The following NVL variants were observed in gnomAD, a reference collection of about 807,000 sequenced individuals.
The protein encoded by NVL is nuclear valosin-containing protein-like.
NVL carries 84 observed loss-of-function variants against 110.2 expected under a neutral mutation model. The observed-to-expected ratio is 0.76, with a 90% CI of 0.64 to 0.91. The LOEUF is 0.91. Ranked by LOEUF, NVL falls within the 40% of genes least tolerant of loss-of-function variation. NVL has a pLI of 0.00. For synonymous variants in NVL, 354 were observed against 361.1 expected (o/e 0.98, Z 0.22); for missense variants, 882 against 1,035.9 (o/e 0.85, Z 2.04).
At chr1:224,268,481 C>G (rs943247617) in intron 17 of NVL, among the ~76,000 whole-genome samples, 3 of 152,120 alleles carry the variant, frequency 2.0e-5, no homozygotes, top group African/African-American at 7.2e-5. Flanking sequence ...ATACACTTCC[C>G]TTGGGGCAAA....
intron 11 of NVL, among the ~76,000 whole-genome samples, chr1:224,295,390 CAG>C (rs1247851711): frequency 6.6e-6 from 1 of 151,864 alleles, no homozygotes; most frequent in Non-Finnish European, 1.5e-5. Context: ...TTAGTAGAGA[CAG>C]AGTTTCACCG....
At chr1:224,258,125 G>A (rs1173480450) in intron 18 of NVL, among the ~76,000 whole-genome samples, 1 of 152,160 alleles carries the variant, frequency 6.6e-6, no homozygotes, top group Non-Finnish European at 1.5e-5. Flanking sequence ...ACAACCCACA[G>A]ATTGGTGAAA....
chr1:224,267,059 C>G (rs1367469190), intron 18 of NVL, among the ~76,000 whole-genome samples: 1 of 152,120 alleles, frequency 6.6e-6, no homozygotes, highest in Non-Finnish European at 1.5e-5. Flanking sequence ...CCAGGAATAT[C>G]TTTGTTGAGC....
chr1:224,242,698 C>A (rs889594225), intron 19 of NVL, among the ~76,000 whole-genome samples: 1 of 151,984 alleles, frequency 6.6e-6, no homozygotes, highest in Non-Finnish European at 1.5e-5. Flanking sequence ...AAACTCCTGA[C>A]CTCAGGTGAT....
At chr1:224,316,742 A>C (rs1219697836) in intron 4 of NVL, among the ~76,000 whole-genome samples, 1 of 152,102 alleles carries the variant, frequency 6.6e-6, no homozygotes, top group Non-Finnish European at 1.5e-5. Flanking sequence ...AAGCGGAACA[A>C]GAAGACTTTT....
intron 15 of NVL, among the ~76,000 whole-genome samples, chr1:224,285,718 T>C (rs567266059): frequency 2.0e-4 from 30 of 152,118 alleles, no homozygotes; most frequent in African/African-American, 7.2e-4. Context: ...AGCAGGAAAC[T>C]AAGTCAAGTA....
At chr1:224,297,232 C>T (rs1667965257) in intron 10 of NVL, among the ~76,000 whole-genome samples, 1 of 152,168 alleles carries the variant, frequency 6.6e-6, no homozygotes, top group African/African-American at 2.4e-5. Flanking sequence ...TATCCATCTC[C>T]AGAACTTTCC....
intron 19 of NVL, among the ~76,000 whole-genome samples, chr1:224,238,180 C>CCCA (rs200139268): frequency 0.31 from 3,840 of 12,270 alleles, 62 homozygotes; most frequent in Non-Finnish European, 0.49. Flanking sequence ...ACTATAGGCA[C>CCCA]CCACCACACA....
chr1:224,269,084 C>CTTTT (rs34790130), intron 17 of NVL, among the ~76,000 whole-genome samples: 3 of 97,934 alleles, frequency 3.1e-5, no homozygotes, highest in African/African-American at 7.4e-5. Context: ...GTGAGACTAA[C>CTTTT]TTTTTTTTTT....
chr1:224,317,987 A>G, intron 2 of NVL, 57 bp from the exon 3 acceptor site: 1 of 1,189,702 alleles, frequency 8.4e-7, no homozygotes, highest in East Asian at 2.3e-5. Context: ...TTTTTCCATT[A>G]AGTTCAATCT....
chr1:224,310,126 C>G (rs1023881632), intron 5 of NVL, among the ~76,000 whole-genome samples: 1 of 131,544 alleles, frequency 7.6e-6, no homozygotes, highest in African/African-American at 2.7e-5. Context: ...ACTCCAGCCT[C>G]GGTGATCACA....
At position 224,296,456 on chromosome 1, in the gene NVL, T is replaced by A. The variant is rs548427653; in HGVS notation, c.1180+45A>T. The A allele has an allele frequency of 2.1e-4, 217 of 1,032,526 alleles. No homozygotes were observed. The African/African-American group carries it at 2.7e-3, about 13-fold the overall frequency. 64.0% of individuals were successfully genotyped at this position (1,032,526 alleles called of 1,614,324 possible). ...TCTTCATGTATTAATTACACTATTTTAAAAAATTTATTCTCTTAAAATGAA... is the reference window on the plus strand; with the variant it reads ...TCTTCATGTATTAATTACACTATTTAAAAAAATTTATTCTCTTAAAATGAA... On this transcript the variant is annotated intron_variant, in intron 11 of 22. Transcript: ENST00000281701.
rs117800966 is a variant in NVL at position 224,278,439 on chromosome 1, C to T, written c.1962+2684G>A. Among the ~76,000 whole-genome samples the T allele has an allele frequency of 9.2e-5, 14 of 152,038 alleles. No homozygotes were observed. The East Asian group carries it at 2.7e-3, about 29-fold the overall frequency. Reference sequence around the variant, plus strand: ...TACAATGGGGTTTCACCACATTGGCCACACTGGTCTTAAATTCTTGACCTC... The same window carrying T: ...TACAATGGGGTTTCACCACATTGGCTACACTGGTCTTAAATTCTTGACCTC... On this transcript the variant is annotated intron_variant, in intron 16 of 22. Transcript: ENST00000281701.
intron 18 of NVL, among the ~76,000 whole-genome samples, chr1:224,263,913 G>C (rs1664227839): frequency 6.6e-6 from 1 of 152,208 alleles, no homozygotes; most frequent in African/African-American, 2.4e-5. Flanking sequence ...TACTCGGGAG[G>C]CTGAGGCAGG....
At chr1:224,315,412 G>C (rs1558353691) in intron 4 of NVL, among the ~76,000 whole-genome samples, 2 of 152,140 alleles carry the variant, frequency 1.3e-5, no homozygotes, top group African/African-American at 2.4e-5. Context: ...AATTTCAACA[G>C]ATGCAGAAAA....
intron 10 of NVL, among the ~76,000 whole-genome samples, chr1:224,298,026 T>C (rs180844739): frequency 7.5e-6 from 1 of 132,710 alleles, no homozygotes; most frequent in African/African-American, 2.9e-5. Context: ...AACAGAGAGA[T>C]ACTCCATCTC....
intron 18 of NVL, among the ~76,000 whole-genome samples, chr1:224,262,199 C>T (rs1006902098): frequency 2.6e-5 from 4 of 151,512 alleles, no homozygotes; most frequent in African/African-American, 9.7e-5. Context: ...AACAAACAAA[C>T]AAAAAGTCAC....
At chr1:224,317,959 T>C (rs751881599) in intron 2 of NVL, 29 bp from the exon 3 acceptor site, 27 of 1,474,112 alleles carry the variant, frequency 1.8e-5, no homozygotes, top group Non-Finnish European at 2.3e-5. Flanking sequence ...AAGTTTACCA[T>C]AGTAGTCTCC....
At chr1:224,314,941 G>T (rs1457687867) in intron 4 of NVL, among the ~76,000 whole-genome samples, 3 of 152,130 alleles carry the variant, frequency 2.0e-5, no homozygotes, top group Admixed American at 6.6e-5. Context: ...AACCCGGGAG[G>T]CGGTGGTTGC....
Sources: gnomAD v4.1 joint callset for allele counts (sites outside exome capture counted in the v4.1 genomes callset) on GRCh38, gnomAD v4.1.1 for gene constraint, MANE v1.5 for transcripts, NCBI Gene and HGNC (gene_info 2026-07-23, HGNC 2026-07-21) for gene names.